The following PEBP4 variants were observed in gnomAD, a reference collection of about 807,000 sequenced individuals.
PEBP4 encodes the protein phosphatidylethanolamine-binding protein 4.
Under a neutral mutation model 23.9 loss-of-function variants are expected in PEBP4, and 22 were observed. That is an observed-to-expected ratio of 0.92 (90% CI 0.66 to 1.31). PEBP4 has a LOEUF of 1.31. Ranked by LOEUF, PEBP4 falls within the 40% of genes most tolerant of loss-of-function variation. PEBP4 has a pLI of 0.00. For synonymous variants in PEBP4, 112 were observed against 99.3 expected (o/e 1.13, Z -0.76); for missense variants, 324 against 281.7 (o/e 1.15, Z -1.07).
chr8:22,830,147 T>TGTGTGTGTGTGTGTGTG (rs1393564112), intron 3 of PEBP4, among the ~76,000 whole-genome samples: 9 of 80,940 alleles, frequency 1.1e-4, no homozygotes, highest in African/African-American at 4.9e-4. Flanking sequence ...GTGTGTGTGT[T>TGTGTGTGTGTGTGTGTG]TTTACGGAGT....
intron 4 of PEBP4, among the ~76,000 whole-genome samples, chr8:22,787,528 G>C (rs1055839069): frequency 2.6e-5 from 4 of 152,230 alleles, no homozygotes; most frequent in Non-Finnish European, 4.4e-5. Context: ...AAATGACTTA[G>C]TACAGATTCT....
chr8:22,917,906 A>G (rs2466215), intron 3 of PEBP4, among the ~76,000 whole-genome samples: 23,210 of 152,174 alleles, frequency 0.15, 2,130 homozygotes, highest in Non-Finnish European at 0.21. Context: ...GGAAGACTCT[A>G]TTTACAAATG....
At chr8:22,905,419 G>A (rs1808790603) in intron 3 of PEBP4, among the ~76,000 whole-genome samples, 1 of 151,996 alleles carries the variant, frequency 6.6e-6, no homozygotes, top group Admixed American at 6.6e-5. Context: ...TTTATTTATG[G>A]CAATTAAAGT....
intron 3 of PEBP4, among the ~76,000 whole-genome samples, chr8:22,856,822 A>G (rs181419445): frequency 6.6e-6 from 1 of 152,244 alleles, no homozygotes; most frequent in East Asian, 1.9e-4. Flanking sequence ...CCAGAAATTA[A>G]AAATAAAGTC....
chr8:22,872,042 C>A (rs1808017347), intron 3 of PEBP4, among the ~76,000 whole-genome samples: 1 of 152,160 alleles, frequency 6.6e-6, no homozygotes, highest in South Asian at 2.1e-4. Flanking sequence ...GTTTTCCATT[C>A]CTGAGTTATT....
Position 22,927,646 on chromosome 8 carries a change from G to A in PEBP4, c.69C>T (p.Asp23=), listed in dbSNP as rs2175192. ...GGGCACACGGGCTGTTCTCATCCTC[G>A]TCTCCAGTGACCACCATCATGAGAC... ...LLGLMMVVTG[D]EDENSPCAHE... is the part of the protein sequence containing the mutation. Residue 23 remains aspartate, a synonymous_variant, in exon 2 of 7, where the codon GAC becomes GAT. Transcript: ENST00000256404. 306,512 of 1,613,630 alleles carry A rather than the reference G, an allele frequency of 0.19. 30,096 individuals carry two copies. Among genetic ancestry groups the A allele is most frequent in the South Asian group, 0.23 (21,375 of 91,014 alleles).
At chr8:22,846,119 C>A (rs1022403876) in intron 3 of PEBP4, among the ~76,000 whole-genome samples, 1 of 152,232 alleles carries the variant, frequency 6.6e-6, no homozygotes, top group African/African-American at 2.4e-5. Context: ...CTTCTCCTGT[C>A]TGTGTCCTCA....
intron 3 of PEBP4, among the ~76,000 whole-genome samples, chr8:22,902,071 C>CT (rs2128776995): frequency 6.6e-6 from 1 of 152,290 alleles, no homozygotes; most frequent in East Asian, 1.9e-4. Context: ...GTAATCCCAG[C>CT]ACTTTGGGAG....
At chr8:22,789,046 A>G (rs149913670) in intron 4 of PEBP4, among the ~76,000 whole-genome samples, 169 of 152,378 alleles carry the variant, frequency 1.1e-3, no homozygotes, top group African/African-American at 3.8e-3. Flanking sequence ...GCTACATTGC[A>G]GAATGTACAG....
At chr8:22,940,062 G>A (rs1006332) in intron 1 of PEBP4, among the ~76,000 whole-genome samples, 44,784 of 152,128 alleles carry the variant, frequency 0.29, 6,743 homozygotes, top group East Asian at 0.43. Flanking sequence ...AAGGTTGAAT[G>A]TTTTGTCCAT....
At chr8:22,749,810 T>TTA (rs2128751527) in intron 4 of PEBP4, among the ~76,000 whole-genome samples, 1 of 133,764 alleles carries the variant, frequency 7.5e-6, no homozygotes, top group South Asian at 2.5e-4. Flanking sequence ...TCATTCTTTT[T>TTA]TTTTTTTTTT....
chr8:22,728,459 T>G (rs1397244705), intron 4 of PEBP4, among the ~76,000 whole-genome samples: 4 of 152,174 alleles, frequency 2.6e-5, no homozygotes, highest in African/African-American at 9.7e-5. Flanking sequence ...GAGCCCCTTG[T>G]ACTTTGTCTT....
intron 3 of PEBP4, among the ~76,000 whole-genome samples, chr8:22,838,505 CAT>C (rs1372506776): frequency 2.0e-5 from 3 of 152,246 alleles, no homozygotes; most frequent in African/African-American, 4.8e-5. Flanking sequence ...CTCCCTCACA[CAT>C]GACACTGCCT....
intron 4 of PEBP4, among the ~76,000 whole-genome samples, chr8:22,762,813 T>C (rs1401537742): frequency 6.6e-6 from 1 of 152,158 alleles, no homozygotes; most frequent in Admixed American, 6.5e-5. Flanking sequence ...CAGCCAAGGA[T>C]TCCTGGCTGA....
At chr8:22,749,805 C>CTTTTTATTTTTTTTTTTAT (rs1805209388) in intron 4 of PEBP4, among the ~76,000 whole-genome samples, 1 of 83,762 alleles carries the variant, frequency 1.2e-5, no homozygotes, top group African/African-American at 3.9e-5. Context: ...GTTTGTCATT[C>CTTTTTATTTTTTTTTTTAT]TTTTTTTTTT....
intron 4 of PEBP4, among the ~76,000 whole-genome samples, chr8:22,765,182 C>T (rs1421170449): frequency 2.0e-5 from 3 of 149,218 alleles, no homozygotes; most frequent in Admixed American, 6.7e-5. Flanking sequence ...CTTGATGCGA[C>T]GTCCAGGTAG....
intron 3 of PEBP4, among the ~76,000 whole-genome samples, chr8:22,861,958 TTC>T (rs1807787258): frequency 6.6e-6 from 1 of 152,206 alleles, no homozygotes; most frequent in South Asian, 2.1e-4. Flanking sequence ...CACGAAGTCA[TTC>T]TCTCTGTCCC....
chr8:22,837,784 C>T (rs988838283), intron 3 of PEBP4, among the ~76,000 whole-genome samples: 1 of 152,080 alleles, frequency 6.6e-6, no homozygotes, highest in African/African-American at 2.4e-5. Flanking sequence ...TTCTTTGAAC[C>T]CCAATAGCAT....
In PEBP4 at chr8:22,927,647, T is replaced by A. The variant is rs1193566605; in HGVS notation, c.68A>T (p.Asp23Val). Residue 23 changes from aspartate to valine, a missense_variant, in exon 2 of 7, where the codon GAC becomes GTC. By Grantham distance (152) the Asp-to-Val change is radical (BLOSUM62 -3). Transcript: ENST00000256404. ...LLGLMMVVTG[D>V]EDENSPCAHE... ...GGCACACGGGCTGTTCTCATCCTCG[T>A]CTCCAGTGACCACCATCATGAGACC... The A allele has an allele frequency of 6.2e-7, 1 of 1,613,860 alleles. No individual in the cohort carries two copies. Among genetic ancestry groups the A allele is most frequent in the Non-Finnish European group, 8.5e-7 (1 of 1,179,906 alleles).
Sources: gnomAD v4.1 joint callset for allele counts (sites outside exome capture counted in the v4.1 genomes callset) on GRCh38, gnomAD v4.1.1 for gene constraint, MANE v1.5 for transcripts, NCBI Gene and HGNC (gene_info 2026-07-23, HGNC 2026-07-21) for gene names.